Variants in ERO1B observed in about 807,000 individuals in gnomAD.
ERO1B encodes ERO1-like protein beta.
A neutral mutation model predicts 75.3 loss-of-function variants in ERO1B; 49 were observed. The ratio of observed to expected loss-of-function variants is 0.65; its 90% CI spans 0.52 to 0.83. The LOEUF is 0.83. Among genes scored for constraint, ERO1B ranks in the 40% least tolerant of loss-of-function variants. The pLI, the probability that ERO1B is intolerant of heterozygous loss-of-function variation, is 0.00. For synonymous variants in ERO1B, 191 were observed against 192.9 expected (o/e 0.99, Z 0.08); for missense variants, 512 against 560.1 (o/e 0.91, Z 0.87).
chr1:236,237,577 T>A (rs1390065362), intron 6 of ERO1B, among the ~76,000 whole-genome samples: 2 of 152,198 alleles, frequency 1.3e-5, no homozygotes, highest in Non-Finnish European at 2.9e-5. Context: ...AATACATAGA[T>A]GCTCAAGTGT....
intron 1 of ERO1B, among the ~76,000 whole-genome samples, chr1:236,279,517 A>AAAAAC (rs1665779449): frequency 6.9e-6 from 1 of 145,074 alleles, no homozygotes; most frequent in South Asian, 2.2e-4. Context: ...AAAAAAAAAA[A>AAAAAC]AAACAGCACA....
intron 1 of ERO1B, among the ~76,000 whole-genome samples, chr1:236,270,687 C>T (rs187908644): frequency 2.0e-5 from 3 of 152,262 alleles, no homozygotes; most frequent in Admixed American, 6.5e-5. Context: ...AAATGGAACT[C>T]ATTGACTGAT....
intron 12 of ERO1B, 136 bp downstream of exon 12, chr1:236,226,133 T>A: frequency 1.2e-6 from 1 of 829,162 alleles, no homozygotes; most frequent in South Asian, 1.9e-5. Flanking sequence ...AATTCTGTTG[T>A]TCTATTGATC....
At chr1:236,266,341 CG>C (rs1252757560) in intron 2 of ERO1B, among the ~76,000 whole-genome samples, 6 of 152,196 alleles carry the variant, frequency 3.9e-5, no homozygotes, top group African/African-American at 1.4e-4. Context: ...TGGTGGCTCA[CG>C]CCTGTAATCC....
chr1:236,273,186 G>A (rs889559310), intron 1 of ERO1B, among the ~76,000 whole-genome samples: 13 of 152,138 alleles, frequency 8.5e-5, no homozygotes, highest in African/African-American at 2.7e-4. Context: ...GAGAGAGACT[G>A]GAAGATGCTA....
intron 1 of ERO1B, among the ~76,000 whole-genome samples, chr1:236,279,545 C>T (rs1050229464): frequency 1.1e-4 from 16 of 139,380 alleles, no homozygotes; most frequent in South Asian, 4.6e-4. Flanking sequence ...GTACTGCTGG[C>T]GGCCTGGGCG....
rs145305293 is a variant in ERO1B at position 236,251,367 on chromosome 1, C to T, written c.348+683G>A. 62 of 328,082 alleles carry T rather than the reference C, an allele frequency of 1.9e-4. 1 individual carries two copies. In the East Asian group the frequency reaches 8.7e-3, roughly 46 times the overall value. The allele number at this position is 328,082 out of a possible 1,614,324, so 20.3% of individuals were successfully genotyped here. A position where few individuals can be genotyped will look rare whatever the true frequency, so the allele number is the denominator to read the frequency against. ...TAGCTCTGGGAGGAAGGAATTAGAA[C>T]GAACTGGGAAATGGCTGAGGGGGTT... On this transcript the variant is annotated intron_variant, in intron 4 of 15. Coordinates refer to ENST00000354619, the MANE Select transcript of ERO1B (RefSeq NM_019891.4).
intron 2 of ERO1B, among the ~76,000 whole-genome samples, chr1:236,258,658 G>A (rs2477594): frequency 0.25 from 37,671 of 151,946 alleles, 4,826 homozygotes; most frequent in East Asian, 0.38. Flanking sequence ...AGGCCGAAGC[G>A]GGTGGATCAC....
chr1:236,280,095 C>T (rs548672925), intron 1 of ERO1B, among the ~76,000 whole-genome samples: 38 of 151,916 alleles, frequency 2.5e-4, no homozygotes, highest in Non-Finnish European at 2.6e-4. Flanking sequence ...TGAAGATCAG[C>T]CTAATAACAT....
chr1:236,232,126 C>T (rs1005656268), intron 9 of ERO1B, among the ~76,000 whole-genome samples: 6 of 152,158 alleles, frequency 3.9e-5, no homozygotes, highest in African/African-American at 1.4e-4. Flanking sequence ...CTGTGAGATA[C>T]GATCTGTTTC....
In ERO1B at chr1:236,253,407, T is replaced by C; in HGVS notation, c.306+15A>G. The C allele has an allele frequency of 6.5e-7, 1 of 1,544,154 alleles. No homozygotes were observed. Among genetic ancestry groups the C allele is most frequent in the Non-Finnish European group, 8.9e-7 (1 of 1,125,174 alleles). ...AGAGAAAATTGGCTTTGCCCTGTTA[T>C]TTTATTTATTATACCTCTGGACAGG... On this transcript the variant is annotated intron_variant, in intron 3 of 15. Transcript: ENST00000354619.
chr1:236,242,162 T>G, intron 6 of ERO1B, among the ~76,000 whole-genome samples: 1 of 152,306 alleles, frequency 6.6e-6, no homozygotes, highest in Middle Eastern at 3.4e-3. Context: ...CAATTAAGTA[T>G]TTTTATTAAA....
Position 236,226,643 on chromosome 1 carries a change from T to C in ERO1B, c.805+4A>G. ...GCAAAATCTCGACTTAAAAATATGATTACCTTCCAAAAGATAATTTGCGCA... is the reference window on the plus strand; with the variant it reads ...GCAAAATCTCGACTTAAAAATATGACTACCTTCCAAAAGATAATTTGCGCA... On this transcript the variant is annotated splice_donor_region_variant and intron_variant, in intron 11 of 15. Coordinates refer to ENST00000354619, the MANE Select transcript of ERO1B (RefSeq NM_019891.4). 6.2e-7 allele frequency: 1 copy of C among 1,609,536 alleles called. No homozygotes were observed. The highest frequency in any genetic ancestry group is 8.5e-7 in the Non-Finnish European group (1 of 1,178,808).
intron 3 of ERO1B, 25 bp from the exon 4 acceptor site, chr1:236,252,116 AAATTTTTAAG>A: frequency 6.6e-7 from 1 of 1,521,662 alleles, no homozygotes; most frequent in Non-Finnish European, 9.1e-7. Flanking sequence ...AAAAGCAAAA[AAATTTTTAAG>A]TGATCTTTAT....
At chr1:236,269,651 C>T (rs1665545119) in intron 2 of ERO1B, among the ~76,000 whole-genome samples, 1 of 152,114 alleles carries the variant, frequency 6.6e-6, no homozygotes, top group Non-Finnish European at 1.5e-5. Context: ...TAGTCTCTGC[C>T]TAAAAACCAA....
Position 236,243,397 on chromosome 1 carries a change from TAATTA to T in ERO1B, c.505+20_505+24del. On this transcript the variant is annotated intron_variant, in intron 6 of 15. Transcript: ENST00000354619. ...TAAAAGGGTTAAAGTTAAAATAATT[TAATTA>T]TAATAGTTTATTGTATTACCATCAA... 1 of 1,417,432 alleles carries T rather than the reference TAATTA, an allele frequency of 7.1e-7. No homozygotes were observed. The allele number at this position is 1,417,432 out of a possible 1,614,324, so 87.8% of individuals were successfully genotyped here.
chr1:236,260,676 AAAAG>A (rs1358038940), intron 2 of ERO1B, among the ~76,000 whole-genome samples: 1 of 151,830 alleles, frequency 6.6e-6, no homozygotes, highest in African/African-American at 2.4e-5. Context: ...AAAAAAAAAA[AAAAG>A]ACAGACAGAC....
At chr1:236,223,507 A>C (rs1664207708) in intron 13 of ERO1B, among the ~76,000 whole-genome samples, 1 of 152,228 alleles carries the variant, frequency 6.6e-6, no homozygotes, top group South Asian at 2.1e-4. Flanking sequence ...AAGAAAGACA[A>C]TATAAATAGA....
intron 5 of ERO1B, 89 bp downstream of exon 5, chr1:236,249,796 G>C: frequency 1.1e-6 from 1 of 949,612 alleles, no homozygotes. Flanking sequence ...AAACTTTAAT[G>C]GGTTCGAAAA....
Sources: gnomAD v4.1 joint callset for allele counts (sites outside exome capture counted in the v4.1 genomes callset) on GRCh38, gnomAD v4.1.1 for gene constraint, MANE v1.5 for transcripts, NCBI Gene and HGNC (gene_info 2026-07-23, HGNC 2026-07-21) for gene names.